The following ZNF704 variants were observed in gnomAD, a reference collection of about 807,000 sequenced individuals.
ZNF704 encodes the protein glucocorticoid induced gene 1.
A neutral mutation model predicts 44.7 loss-of-function variants in ZNF704; 10 were observed. That is an observed-to-expected ratio of 0.22 (90% CI 0.14 to 0.38). The LOEUF is 0.38. Among genes scored for constraint, ZNF704 ranks in the 10% least tolerant of loss-of-function variants. ZNF704 has a pLI of 1.00. For synonymous variants in ZNF704, 211 were observed against 207.6 expected (o/e 1.02, Z -0.14); for missense variants, 390 against 545.5 (o/e 0.71, Z 2.84).
At chr8:80,673,582 T>TA (rs1022915182) in intron 4 of ZNF704, among the ~76,000 whole-genome samples, 1 of 152,230 alleles carries the variant, frequency 6.6e-6, no homozygotes, top group Non-Finnish European at 1.5e-5. Context: ...CACACCATCA[T>TA]ACTCTTGAGT....
At chr8:80,790,806 C>G (rs1807691518) in intron 2 of ZNF704, among the ~76,000 whole-genome samples, 1 of 151,334 alleles carries the variant, frequency 6.6e-6, no homozygotes, top group Admixed American at 6.6e-5. Context: ...TCTGGGACAT[C>G]AATAAAAAAT....
intron 2 of ZNF704, 116 bp from the exon 3 acceptor site, chr8:80,693,223 T>C (rs1037122037): frequency 2.4e-6 from 2 of 821,980 alleles, no homozygotes; most frequent in Non-Finnish European, 4.0e-6. Flanking sequence ...GAACAACCGA[T>C]GTTCTGTTAG....
intron 7 of ZNF704, among the ~76,000 whole-genome samples, chr8:80,657,757 A>T (rs539642706): frequency 6.6e-6 from 1 of 151,584 alleles, no homozygotes; most frequent in Non-Finnish European, 1.5e-5. Context: ...CAGCTATGGT[A>T]TGTTTTATAT....
chr8:80,680,614 AG>A (rs1818438327), intron 4 of ZNF704, among the ~76,000 whole-genome samples: 2 of 152,212 alleles, frequency 1.3e-5, no homozygotes, highest in Non-Finnish European at 2.9e-5. Context: ...GATCCCCAGC[AG>A]GTGCCAAAAG....
intron 2 of ZNF704, among the ~76,000 whole-genome samples, chr8:80,798,811 A>T (rs76883750): frequency 0.06 from 9,062 of 152,296 alleles, 298 homozygotes; most frequent in Non-Finnish European, 0.075. Context: ...CTGTTGCTTA[A>T]AACAGAATAC....
At chr8:80,855,911 TC>T in intron 1 of ZNF704, among the ~76,000 whole-genome samples, 1 of 152,332 alleles carries the variant, frequency 6.6e-6, no homozygotes, top group East Asian at 1.9e-4. Flanking sequence ...TCTATTTGCT[TC>T]AAAGAAATGC....
At chr8:80,750,716 T>C (rs541995926) in intron 2 of ZNF704, among the ~76,000 whole-genome samples, 1 of 152,262 alleles carries the variant, frequency 6.6e-6, no homozygotes, top group East Asian at 1.9e-4. Context: ...GGTTTCACCA[T>C]GTTGGCCAGG....
chr8:80,677,357 G>T (rs1818384737), intron 4 of ZNF704, among the ~76,000 whole-genome samples: 1 of 152,138 alleles, frequency 6.6e-6, no homozygotes, highest in Non-Finnish European at 1.5e-5. Context: ...GTTAAGGTTG[G>T]TCCTGATTAC....
intron 2 of ZNF704, among the ~76,000 whole-genome samples, chr8:80,739,058 T>A (rs955170220): frequency 2.0e-5 from 3 of 152,190 alleles, no homozygotes; most frequent in Non-Finnish European, 4.4e-5. Flanking sequence ...AAGATTCAGG[T>A]TATTTAGCAA....
Position 80,774,111 on chromosome 8 carries a change from C to T in ZNF704, c.221+47263G>A, listed in dbSNP as rs545202271. 1.1e-3 allele frequency among the ~76,000 whole-genome samples: 171 copies of T among 151,700 alleles called. 1 individual carries two copies. The highest frequency in any genetic ancestry group is 2.2e-3 in the Non-Finnish European group (147 of 67,910). ...TGCGCCGACTGCCAAGCTGGAGTGC[C>T]GTGGTGCAATCATAGCTGACTGCAG... is the stretch of plus-strand genomic sequence containing the variant. On this transcript the variant is annotated intron_variant, in intron 2 of 8. Coordinates refer to ENST00000327835, the MANE Select transcript of ZNF704 (RefSeq NM_001033723.3).
intron 2 of ZNF704, among the ~76,000 whole-genome samples, chr8:80,737,098 C>G (rs1806680364): frequency 6.6e-6 from 1 of 152,156 alleles, no homozygotes; most frequent in Non-Finnish European, 1.5e-5. Flanking sequence ...CATTGCATAC[C>G]TATATACACT....
intron 1 of ZNF704, among the ~76,000 whole-genome samples, chr8:80,838,880 G>C (rs1185580077): frequency 1.3e-5 from 2 of 151,858 alleles, no homozygotes; most frequent in Non-Finnish European, 2.9e-5. Flanking sequence ...CGGAGAAGGA[G>C]AAGGAAGAGG....
chr8:80,832,412 T>C (rs974285976), intron 1 of ZNF704, among the ~76,000 whole-genome samples: 7 of 152,190 alleles, frequency 4.6e-5, no homozygotes, highest in African/African-American at 1.7e-4. Flanking sequence ...TCAGCCCACT[T>C]ATTTGATCAA....
intron 2 of ZNF704, among the ~76,000 whole-genome samples, chr8:80,744,440 T>C (rs1806812243): frequency 6.6e-6 from 1 of 152,162 alleles, no homozygotes; most frequent in South Asian, 2.1e-4. Flanking sequence ...ATGAAATATG[T>C]CACAAACTGC....
chr8:80,661,299 G>T (rs1379555326), intron 6 of ZNF704, among the ~76,000 whole-genome samples: 10 of 152,160 alleles, frequency 6.6e-5, no homozygotes, highest in Non-Finnish European at 1.3e-4. Flanking sequence ...AATAACAGAT[G>T]CTGGTGAGGA....
intron 4 of ZNF704, among the ~76,000 whole-genome samples, chr8:80,683,439 C>T (rs951207702): frequency 6.6e-6 from 1 of 152,198 alleles, no homozygotes; most frequent in Admixed American, 6.5e-5. Flanking sequence ...GAACTTTCTG[C>T]ACCCTTGCTC....
At chr8:80,688,119 G>A (rs761056553) in intron 3 of ZNF704, among the ~76,000 whole-genome samples, 3 of 152,046 alleles carry the variant, frequency 2.0e-5, no homozygotes, top group Non-Finnish European at 4.4e-5. Context: ...GAGGAGGGAG[G>A]ATTACTTGAG....
intron 2 of ZNF704, among the ~76,000 whole-genome samples, chr8:80,699,730 A>G (rs1361534267): frequency 3.3e-5 from 5 of 152,160 alleles, no homozygotes; most frequent in Admixed American, 6.5e-5. Flanking sequence ...GCATGAAGCT[A>G]GGCAGTTGCT....
At chr8:80,674,041 G>A (rs1441423518) in intron 4 of ZNF704, among the ~76,000 whole-genome samples, 1 of 152,220 alleles carries the variant, frequency 6.6e-6, no homozygotes, top group African/African-American at 2.4e-5. Context: ...AGCTACATGA[G>A]TTACAGCTGA....
Sources: gnomAD v4.1 joint callset for allele counts (sites outside exome capture counted in the v4.1 genomes callset) on GRCh38, gnomAD v4.1.1 for gene constraint, MANE v1.5 for transcripts, NCBI Gene and HGNC (gene_info 2026-07-23, HGNC 2026-07-21) for gene names.